The following SHTN1 variants were observed in gnomAD, a reference collection of about 807,000 sequenced individuals.
The protein encoded by SHTN1 is shootin 1, also known as shootin-1.
In SHTN1, 42 loss-of-function variants were observed where a neutral mutation model predicts 83.1. The observed-to-expected ratio is 0.51, with a 90% confidence interval of 0.39 to 0.65. The LOEUF is 0.65. Ranked by LOEUF, SHTN1 falls within the 30% of genes least tolerant of loss-of-function variation. The probability of loss-of-function intolerance (pLI) is 0.00; values close to 1 mark genes in which losing one functional copy is unlikely to be tolerated. For missense variants in SHTN1, 622 were observed against 737.8 expected (o/e 0.84, Z 1.82); for synonymous variants, 224 against 247.7 (o/e 0.90, Z 0.90).
chr10:117,044,144 C>G, intron 2 of SHTN1, among the ~76,000 whole-genome samples: 1 of 152,012 alleles, frequency 6.6e-6, no homozygotes, highest in East Asian at 1.9e-4. Flanking sequence ...AAGTATTTTT[C>G]TCTTCCTCCA....
chr10:116,921,208 T>C (rs142471783), intron 12 of SHTN1, among the ~76,000 whole-genome samples: 1 of 152,220 alleles, frequency 6.6e-6, no homozygotes, highest in African/African-American at 2.4e-5. Context: ...TTAATGAAAA[T>C]ATATTTGCCA....
At chr10:117,111,947 GT>G (rs1237285100) in intron 1 of SHTN1, among the ~76,000 whole-genome samples, 4 of 151,964 alleles carry the variant, frequency 2.6e-5, no homozygotes, top group Non-Finnish European at 5.9e-5. Context: ...ACATACCAGT[GT>G]TTTGGTTTTT....
chr10:116,989,199 A>G (rs1851329741), intron 1 of SHTN1, among the ~76,000 whole-genome samples: 1 of 152,206 alleles, frequency 6.6e-6, no homozygotes, highest in South Asian at 2.1e-4. Flanking sequence ...GTAAAACTGC[A>G]AAGATACTGC....
intron 3 of SHTN1, among the ~76,000 whole-genome samples, chr10:116,963,362 G>A (rs1032405812): frequency 6.6e-6 from 1 of 151,668 alleles, no homozygotes; most frequent in South Asian, 2.2e-4. Flanking sequence ...GTGAGCCACC[G>A]CGCCCGGCCA....
intron 8 of SHTN1, among the ~76,000 whole-genome samples, chr10:116,941,059 A>G (rs1849353389): frequency 1.3e-5 from 2 of 152,198 alleles, no homozygotes; most frequent in Admixed American, 1.3e-4. Context: ...TACATTCATT[A>G]TATCATATAA....
intron 6 of SHTN1, among the ~76,000 whole-genome samples, chr10:116,950,746 G>C (rs111886703): frequency 6.6e-6 from 1 of 152,072 alleles, no homozygotes; most frequent in Non-Finnish European, 1.5e-5. Context: ...ATTGTCCAAC[G>C]GTAAGGTCCT....
intron 2 of SHTN1, among the ~76,000 whole-genome samples, chr10:117,023,280 C>A (rs1852288343): frequency 6.6e-6 from 1 of 152,164 alleles, no homozygotes; most frequent in Admixed American, 6.5e-5. Flanking sequence ...CTGTCACGTG[C>A]AAATAGTTTT....
intron 1 of SHTN1, 79 bp from the exon 2 acceptor site, chr10:116,979,387 C>T: frequency 9.0e-7 from 1 of 1,105,946 alleles, no homozygotes; most frequent in South Asian, 1.2e-5. Context: ...CAACTAACCC[C>T]CATAGTCTTC....
At chr10:117,060,515 G>A (rs772964898) in intron 1 of SHTN1, among the ~76,000 whole-genome samples, 5 of 152,164 alleles carry the variant, frequency 3.3e-5, no homozygotes, top group Non-Finnish European at 7.3e-5. Flanking sequence ...CAAGGCATAA[G>A]TAATTACATG....
At chr10:116,935,621 A>T (rs1312347547) in intron 9 of SHTN1, among the ~76,000 whole-genome samples, 1 of 152,050 alleles carries the variant, frequency 6.6e-6, no homozygotes, top group Non-Finnish European at 1.5e-5. Flanking sequence ...TTAGCCTGAA[A>T]TTTTCTTTTT....
At chr10:116,960,627 G>C (rs540968049) in intron 3 of SHTN1, among the ~76,000 whole-genome samples, 1 of 152,142 alleles carries the variant, frequency 6.6e-6, no homozygotes, top group Admixed American at 6.5e-5. Context: ...TATAACACAT[G>C]GCTCTAATAA....
chr10:117,025,742 G>A (rs916764821), intron 2 of SHTN1, among the ~76,000 whole-genome samples: 7 of 151,914 alleles, frequency 4.6e-5, no homozygotes, highest in African/African-American at 1.7e-4. Flanking sequence ...GTAGGTTGTG[G>A]CTCCCATAAG....
Position 117,124,055 on chromosome 10 carries a change from T to A in SHTN1, c.-189+2252A>T, listed in dbSNP as rs1853969938. Among the ~76,000 whole-genome samples the A allele has an allele frequency of 3.3e-5, 5 of 149,626 alleles. No individual in the cohort carries two copies. The South Asian group carries it at 1.1e-3, about 32-fold the overall frequency. On this transcript the variant is annotated intron_variant, in intron 1 of 17. Transcript: ENST00000392901. ...AGTGAGACACTGTCTCTACAAAAAA[T>A]AAAAAAATAGCTGGGCATGGTGGTG...
chr10:117,093,126 T>C (rs1853457422), intron 1 of SHTN1, among the ~76,000 whole-genome samples: 1 of 152,120 alleles, frequency 6.6e-6, no homozygotes, highest in African/African-American at 2.4e-5. Flanking sequence ...TCACTATCCC[T>C]CACAAGGACA....
intron 2 of SHTN1, among the ~76,000 whole-genome samples, chr10:116,971,465 GACT>G (rs1162961725): frequency 1.3e-5 from 2 of 152,092 alleles, no homozygotes; most frequent in Non-Finnish European, 2.9e-5. Context: ...AACCCAAACG[GACT>G]ACATTAGACA....
intron 1 of SHTN1, among the ~76,000 whole-genome samples, chr10:117,003,473 G>A (rs1386168791): frequency 6.6e-6 from 1 of 151,192 alleles, no homozygotes; most frequent in African/African-American, 2.4e-5. Flanking sequence ...CATTTCAGAG[G>A]TTAAATAATT....
chr10:117,095,363 A>G (rs1014113422), intron 1 of SHTN1, among the ~76,000 whole-genome samples: 2 of 152,226 alleles, frequency 1.3e-5, no homozygotes, highest in African/African-American at 2.4e-5. Context: ...GGCAATTACC[A>G]TTTAACATTA....
In SHTN1 at chr10:116,927,589, C is replaced by T. The variant is rs182974357; in HGVS notation, c.1112+203G>A. Among the ~76,000 whole-genome samples, 135 of 152,256 alleles carry T rather than the reference C, an allele frequency of 8.9e-4. 4 individuals carry two copies. Among genetic ancestry groups the T allele is most frequent in the Admixed American group, 8.0e-3 (122 of 15,292 alleles). On this transcript the variant is annotated intron_variant, in intron 11 of 16. Coordinates refer to ENST00000355371, the MANE Select transcript of SHTN1 (RefSeq NM_001127211.3). ...CCCACCCTCATGATTCAATTACCTC[C>T]CACGATACGTGAGAATTGTGGGAGC...
chr10:117,072,562 C>T lies in SHTN1; in HGVS notation c.-188-24052G>A, dbSNP rs528819079. Reference sequence around the variant, plus strand: ...GACTCTGTGCAGACAACCCCCAGTACAAGCCCAGAGCCTGGTAGACTTGCT... The same window carrying T: ...GACTCTGTGCAGACAACCCCCAGTATAAGCCCAGAGCCTGGTAGACTTGCT... On this transcript the variant is annotated intron_variant, in intron 1 of 17. Transcript: ENST00000392901. Among the ~76,000 whole-genome samples the T allele has an allele frequency of 3.3e-5, 5 of 152,298 alleles. No homozygotes were observed. The South Asian group carries it at 6.2e-4, about 19-fold the overall frequency.
Sources: allele counts gnomAD v4.1 joint callset (sites outside exome capture counted in the v4.1 genomes callset), GRCh38; gene constraint gnomAD v4.1.1; transcripts MANE v1.5; gene names NCBI Gene and HGNC (gene_info 2026-07-23, HGNC 2026-07-21).